The following ATP2B2 variants were observed in gnomAD, a reference collection of about 807,000 sequenced individuals.
The protein encoded by ATP2B2 is ATPase plasma membrane Ca2+ transporting 2.
ATP2B2 carries 15 observed loss-of-function variants against 120.0 expected under a neutral mutation model. The observed-to-expected ratio is 0.12, with a 90% CI of 0.08 to 0.19. The LOEUF is 0.19. ATP2B2 is among the 10% of genes least tolerant of loss of function. The pLI is 1.00. For missense variants in ATP2B2, 1,045 were observed against 1,719.8 expected (o/e 0.61, Z 6.94); for synonymous variants, 694 against 700.3 (o/e 0.99, Z 0.14).
At chr3:10,557,459 G>A (rs2067806486) in intron 2 of ATP2B2, among the ~76,000 whole-genome samples, 1 of 152,200 alleles carries the variant, frequency 6.6e-6, no homozygotes, top group Non-Finnish European at 1.5e-5. Context: ...AAGGAGGCAG[G>A]AGAGCCTTCT....
intron 1 of ATP2B2, among the ~76,000 whole-genome samples, chr3:10,640,395 G>A (rs893443721): frequency 1.3e-5 from 2 of 152,142 alleles, no homozygotes; most frequent in African/African-American, 4.8e-5. Context: ...CTCTGTCAAG[G>A]AGAATCATTT....
intron 1 of ATP2B2, among the ~76,000 whole-genome samples, chr3:10,653,249 G>A (rs760194190): frequency 6.6e-5 from 10 of 152,262 alleles, no homozygotes; most frequent in East Asian, 1.9e-4. Flanking sequence ...AGCCACCAAT[G>A]ACCCCCCTTT....
chr3:10,503,199 G>A (rs2066464330), intron 1 of ATP2B2, among the ~76,000 whole-genome samples: 1 of 152,214 alleles, frequency 6.6e-6, no homozygotes, highest in Non-Finnish European at 1.5e-5. Flanking sequence ...CCTTCAGTCT[G>A]GAGGGGACTT....
At chr3:10,502,276 T>C (rs868141351) in intron 1 of ATP2B2, among the ~76,000 whole-genome samples, 1 of 152,192 alleles carries the variant, frequency 6.6e-6, no homozygotes, top group Non-Finnish European at 1.5e-5. Context: ...CTCTACAGTG[T>C]CCAGGGCTCT....
chr3:10,530,442 A>G (rs1243466555), intron 3 of ATP2B2, among the ~76,000 whole-genome samples: 1 of 152,150 alleles, frequency 6.6e-6, no homozygotes, highest in Non-Finnish European at 1.5e-5. Context: ...GTCCCACCGC[A>G]CCACGCTTCC....
At chr3:10,659,006 T>C (rs2070711465) in intron 1 of ATP2B2, among the ~76,000 whole-genome samples, 1 of 152,008 alleles carries the variant, frequency 6.6e-6, no homozygotes, top group Non-Finnish European at 1.5e-5. Flanking sequence ...GCTTCATAAG[T>C]GAAGGAGGAA....
In ATP2B2 at chr3:10,394,577, T is replaced by C. The variant is rs765517265; in HGVS notation, c.782-6175A>G. The C allele has an allele frequency of 5.2e-5, 24 of 457,898 alleles. No individual in the cohort carries two copies. The East Asian group carries it at 1.6e-3, about 31-fold the overall frequency. 28.4% of individuals were successfully genotyped at this position (457,898 alleles called of 1,614,324 possible). ...AGAGAGTGCGGGCCGAGTAGCAGAC[T>C]GGGCCTTCTGCAGTCACGGTGTCGT... On this transcript the variant is annotated intron_variant, in intron 5 of 22. Transcript: ENST00000360273.
intron 1 of ATP2B2, among the ~76,000 whole-genome samples, chr3:10,469,223 T>C (rs913614496): frequency 3.3e-5 from 5 of 152,246 alleles, no homozygotes; most frequent in African/African-American, 1.2e-4. Flanking sequence ...CTAACATTTA[T>C]GGAGCATTCT....
At position 10,379,238 on chromosome 3, in the gene ATP2B2, G is replaced by A. The variant is rs1283208673; in HGVS notation, c.1042+5C>T. 1.2e-6 allele frequency: 2 copies of A among 1,613,652 alleles called. No individual in the cohort carries two copies. The highest frequency in any genetic ancestry group is 2.2e-5 in the South Asian group (2 of 91,032). The stretch of plus-strand genomic sequence containing the variant: ...GACAAACGCCGGTTAAAACAAAAGG[G>A]TTACCTTTGCTCTGGCTGGCGTCCA... On this transcript the variant is annotated splice_donor_5th_base_variant and intron_variant, in intron 9 of 22. Transcript: ENST00000360273.
chr3:10,566,105 C>T (rs1055999764), intron 2 of ATP2B2: 1 of 152,544 alleles, frequency 6.6e-6, no homozygotes, highest in South Asian at 2.1e-4. Flanking sequence ...TCTCCACCCA[C>T]CCTCCAACTC....
intron 2 of ATP2B2, among the ~76,000 whole-genome samples, chr3:10,537,754 A>G (rs908985122): frequency 9.9e-5 from 15 of 152,188 alleles, no homozygotes; most frequent in African/African-American, 3.4e-4. Context: ...CTTGTTCCCA[A>G]TCTCAGGGGA....
intron 2 of ATP2B2, among the ~76,000 whole-genome samples, chr3:10,614,225 C>T (rs976730781): frequency 2.0e-5 from 3 of 152,038 alleles, no homozygotes; most frequent in African/African-American, 4.8e-5. Context: ...TGTTCACTGC[C>T]GTATTCCTAG....
At chr3:10,620,603 C>T (rs1385094427) in intron 1 of ATP2B2, among the ~76,000 whole-genome samples, 3 of 152,110 alleles carry the variant, frequency 2.0e-5, no homozygotes, top group East Asian at 3.9e-4. Context: ...GATGGGAGGA[C>T]GGGGTGGCTT....
intron 8 of ATP2B2, among the ~76,000 whole-genome samples, chr3:10,383,183 C>A (rs149724470): frequency 1.2e-4 from 18 of 151,370 alleles, no homozygotes; most frequent in Admixed American, 3.9e-4. Flanking sequence ...TTCTAAGGAG[C>A]TCCCAGGTGA....
rs182187287 is a variant in ATP2B2, at chr3:10,558,485, G to A, written c.-414-24352C>T. Among the ~76,000 whole-genome samples the A allele has an allele frequency of 1.5e-3, 227 of 152,316 alleles. 2 individuals carry two copies. Among genetic ancestry groups the A allele is most frequent in the African/African-American group, 5.3e-3 (220 of 41,572 alleles). ...GGGGGGCACTTTTACCACCACGCAAGGAGAGGATGTCTGAGGGTGAAGCCA... is the reference window on the plus strand; with the variant it reads ...GGGGGGCACTTTTACCACCACGCAAAGAGAGGATGTCTGAGGGTGAAGCCA... On this transcript the variant is annotated intron_variant, in intron 2 of 21. Coordinates refer to the ATP2B2 transcript ENST00000646379.
At chr3:10,671,474 C>T (rs1279464632) in intron 1 of ATP2B2, among the ~76,000 whole-genome samples, 3 of 152,140 alleles carry the variant, frequency 2.0e-5, no homozygotes, top group South Asian at 2.1e-4. Context: ...GTTTCAGCCC[C>T]GAAATCCCAC....
At chr3:10,529,256 C>A (rs550083987) in intron 3 of ATP2B2, among the ~76,000 whole-genome samples, 1 of 152,232 alleles carries the variant, frequency 6.6e-6, no homozygotes, top group Non-Finnish European at 1.5e-5. Flanking sequence ...CTTTCTCTCA[C>A]GCTTTGAAGA....
At chr3:10,386,606 T>A (rs1418941119) in intron 6 of ATP2B2, 94 bp from the exon 7 acceptor site, 2 of 1,358,492 alleles carry the variant, frequency 1.5e-6, no homozygotes, top group African/African-American at 2.9e-5. Context: ...CACATGTGCA[T>A]ACACACATGG....
At chr3:10,439,581 T>C (rs560595572) in intron 2 of ATP2B2, among the ~76,000 whole-genome samples, 172 of 152,360 alleles carry the variant, frequency 1.1e-3, no homozygotes, top group African/African-American at 4.0e-3. Flanking sequence ...AAATGATGCA[T>C]TAAGAACTTA....
Sources: allele counts gnomAD v4.1 joint callset (sites outside exome capture counted in the v4.1 genomes callset), GRCh38; gene constraint gnomAD v4.1.1; transcripts MANE v1.5; gene names NCBI Gene and HGNC (gene_info 2026-07-23, HGNC 2026-07-21).